ANKRD11: variants seen among roughly 807,000 people sequenced by gnomAD.
The protein encoded by ANKRD11 is ankyrin repeat domain 11.
Under a neutral mutation model 195.7 loss-of-function variants are expected in ANKRD11, and 17 were observed. That is an observed-to-expected ratio of 0.09 (90% CI 0.06 to 0.13). The LOEUF (loss-of-function observed/expected upper bound fraction) is 0.13. Among genes scored for constraint, ANKRD11 ranks in the 10% least tolerant of loss-of-function variants. ANKRD11 has a pLI of 1.00. For synonymous variants in ANKRD11, 1,953 were observed against 1,528.1 expected (o/e 1.28, Z -6.49); for missense variants, 3,735 against 3,566.1 (o/e 1.05, Z -1.21).
intron 1 of ANKRD11, among the ~76,000 whole-genome samples, chr16:89,446,118 C>A (rs969139134): frequency 6.8e-6 from 1 of 148,010 alleles, no homozygotes; most frequent in South Asian, 2.1e-4. Context: ...AAAAAAAAAA[C>A]TGTTTAAAAA....
chr16:89,302,314 G>A (rs552849107), intron 4 of ANKRD11, among the ~76,000 whole-genome samples: 85 of 152,276 alleles, frequency 5.6e-4, no homozygotes, highest in Admixed American at 3.3e-3. Context: ...GTGCAATGGC[G>A]CAATCTTGGC....
At chr16:89,335,500 C>A (rs536899345) in intron 2 of ANKRD11, among the ~76,000 whole-genome samples, 1 of 152,336 alleles carries the variant, frequency 6.6e-6, no homozygotes, top group Admixed American at 6.5e-5. Flanking sequence ...AGGTGCTCTC[C>A]CTCCTCTCCC....
chr16:89,285,033 C>T lies in ANKRD11; in HGVS notation c.1509G>A (p.Lys503=), dbSNP rs1349959452. 1.2e-6 allele frequency: 2 copies of T among 1,613,988 alleles called. No individual in the cohort carries two copies. Among genetic ancestry groups the T allele is most frequent in the East Asian group, 2.2e-5 (1 of 44,878 alleles). The stretch of plus-strand genomic sequence containing the variant: ...GGTCCTTCAGCACCAGCGGGGACCC[C>T]TTGAGGCAGCCAGAGCTCCCCAGAG... ...RDSLGSSGCL[K]GSPLVLKDPS... The change falls in exon 9 of 13, where the codon AAG becomes AAA. Residue 503 remains lysine (K), a synonymous_variant. Coordinates refer to ENST00000301030, the MANE Select transcript of ANKRD11 (RefSeq NM_013275.6). This position sits in a 1 kb window ranked among gnomAD's most constrained non-coding sequence, Gnocchi z 5.6.
In ANKRD11 at chr16:89,286,167, C is replaced by T. The variant is rs1301722354; in HGVS notation, c.764G>A (p.Arg255Gln). Residue 255 changes from arginine (R) to glutamine (Q), a missense_variant, in exon 8 of 13, where the codon CGG (arginine) becomes CAG (glutamine). Physicochemically the swap from Arg to Gln is conservative, Grantham distance 43 (BLOSUM62 1). Transcript: ENST00000301030. ...GHYKVVKLLL[R>Q]YGGNPQQSNR... ...GCTCTGCTGCGGGTTCCCTCCGTAC[C>T]GCAGCAGCAGCTTCACCACCTACAA... The T allele has an allele frequency of 4.3e-6, 7 of 1,613,700 alleles. No individual in the cohort carries two copies. The highest frequency in any genetic ancestry group is 3.3e-5 in the Admixed American group (2 of 60,012).
intron 3 of ANKRD11, among the ~76,000 whole-genome samples, chr16:89,312,068 T>C (rs1257359447): frequency 6.6e-6 from 1 of 152,154 alleles, no homozygotes; most frequent in African/African-American, 2.4e-5. Flanking sequence ...CAGATAATTT[T>C]TGTATTTTTA....
At position 89,313,977 on chromosome 16, in the gene ANKRD11, C is replaced by T. The variant is rs144574968; in HGVS notation, c.87+2956G>A. Among the ~76,000 whole-genome samples the T allele has an allele frequency of 3.7e-3, 570 of 152,322 alleles. 3 individuals are homozygous for T. Among genetic ancestry groups the T allele is most frequent in the African/African-American group, 0.012 (517 of 41,558 alleles). ...AGGACAGGCTGGGTGTGGTAGTTCA[C>T]GCCTGTGATGCGGAAGCTGAAGGAT... On this transcript the variant is annotated intron_variant, in intron 3 of 12. Coordinates refer to ENST00000301030, the MANE Select transcript of ANKRD11 (RefSeq NM_013275.6).
chr16:89,310,056 T>C (rs929694115), intron 3 of ANKRD11, among the ~76,000 whole-genome samples: 10 of 152,178 alleles, frequency 6.6e-5, no homozygotes, highest in South Asian at 2.1e-4. Context: ...AACTGAAAAA[T>C]GGCCACGTCC....
At chr16:89,482,444 G>A (rs1243431807) in intron 1 of ANKRD11, among the ~76,000 whole-genome samples, 1 of 152,210 alleles carries the variant, frequency 6.6e-6, no homozygotes, top group African/African-American at 2.4e-5. Context: ...TAAATGCAAT[G>A]TGGGATCCCG....
At chr16:89,390,771 G>A (rs2041155670) in intron 2 of ANKRD11, among the ~76,000 whole-genome samples, 1 of 152,152 alleles carries the variant, frequency 6.6e-6, no homozygotes, top group South Asian at 2.1e-4. Context: ...CAATGCTGCT[G>A]GTAATGGTTG....
At chr16:89,336,428 C>G (rs2038357094) in intron 2 of ANKRD11, among the ~76,000 whole-genome samples, 1 of 152,204 alleles carries the variant, frequency 6.6e-6, no homozygotes, top group African/African-American at 2.4e-5. Flanking sequence ...TTGCTGTGGG[C>G]TTCTGTGGTG....
chr16:89,316,181 C>T (rs1279891233), intron 3 of ANKRD11, among the ~76,000 whole-genome samples: 1 of 151,942 alleles, frequency 6.6e-6, no homozygotes, highest in African/African-American at 2.4e-5. Flanking sequence ...CTCCACCAGA[C>T]ACGATACTGT....
chr16:89,380,396 G>C (rs2040593438), intron 2 of ANKRD11, among the ~76,000 whole-genome samples: 1 of 152,180 alleles, frequency 6.6e-6, no homozygotes, highest in African/African-American at 2.4e-5. Context: ...ACAGGTGTGA[G>C]CCACTGTGCC....
At chr16:89,465,325 T>G (rs540102972) in intron 1 of ANKRD11, among the ~76,000 whole-genome samples, 1 of 152,238 alleles carries the variant, frequency 6.6e-6, no homozygotes, top group East Asian at 1.9e-4. Flanking sequence ...CTCCCACATA[T>G]CAACAGAAAA....
At position 89,371,764 on chromosome 16, in the gene ANKRD11, G is replaced by A. The variant is rs1388733912; in HGVS notation, c.-60+46520C>T. ...CCCTCCTGCACCCCCTCAGGATGAC[G>A]GAGAGGAGAGGTGGTCTCCATCAAG... On this transcript the variant is annotated intron_variant, in intron 2 of 12. Transcript: ENST00000301030. 3.3e-5 allele frequency among the ~76,000 whole-genome samples: 5 copies of A among 152,130 alleles called. No individual in the cohort carries two copies. The South Asian group carries it at 6.2e-4, about 19-fold the overall frequency.
At chr16:89,360,153 T>C (rs2039671118) in intron 2 of ANKRD11, among the ~76,000 whole-genome samples, 2 of 152,198 alleles carry the variant, frequency 1.3e-5, no homozygotes, top group Admixed American at 1.3e-4. Flanking sequence ...TCAGAACATG[T>C]AGTATTTGGT....
chr16:89,286,469 T>C (rs1439672584), intron 7 of ANKRD11: 14 of 562,372 alleles, frequency 2.5e-5, no homozygotes, highest in South Asian at 8.0e-5. Flanking sequence ...TGGATTTTTT[T>C]CCACCATTTC....
chr16:89,276,562 C>G (rs1445414854), intron 9 of ANKRD11, among the ~76,000 whole-genome samples: 1 of 152,194 alleles, frequency 6.6e-6, no homozygotes, highest in Non-Finnish European at 1.5e-5. Context: ...GGGCCTCTGA[C>G]CACACTGCTG....
Position 89,285,020 on chromosome 16 carries a change from C to G in ANKRD11, c.1522G>C (p.Val508Leu). The stretch of plus-strand genomic sequence containing the variant: ...CTGAACAGGGAGGGGTCCTTCAGCA[C>G]CAGCGGGGACCCCTTGAGGCAGCCA... ...SSGCLKGSPL[V>L]LKDPSLFSSL... Residue 508 changes from valine (V) to leucine (L), a missense_variant, in exon 9 of 13, where the codon GTG (valine) becomes CTG (leucine). Physicochemically the swap from Val to Leu is conservative, Grantham distance 32. Transcript: ENST00000301030. This position sits in a 1 kb window ranked among gnomAD's most constrained non-coding sequence, Gnocchi z 5.6. 6.2e-7 allele frequency: 1 copy of G among 1,613,976 alleles called. No individual in the cohort carries two copies. The highest frequency in any genetic ancestry group is 8.5e-7 in the Non-Finnish European group (1 of 1,180,004).
At chr16:89,325,343 C>T (rs1368868694) in intron 2 of ANKRD11, among the ~76,000 whole-genome samples, 1 of 152,058 alleles carries the variant, frequency 6.6e-6, no homozygotes, top group Non-Finnish European at 1.5e-5. Context: ...GAGGCTAAGG[C>T]AGGAGGATCA....
Sources: allele counts gnomAD v4.1 joint callset (sites outside exome capture counted in the v4.1 genomes callset), GRCh38; gene constraint gnomAD v4.1.1; non-coding constraint Gnocchi (gnomAD v3.1); transcripts MANE v1.5; gene names NCBI Gene and HGNC (gene_info 2026-07-23, HGNC 2026-07-21).